The following IGSF10 variants were observed in gnomAD, a reference collection of about 807,000 sequenced individuals.
IGSF10 encodes calvaria mechanical force protein 608.
IGSF10 carries 126 observed loss-of-function variants against 128.2 expected under a neutral mutation model. That is an observed-to-expected ratio of 0.98 (90% CI 0.85 to 1.14). IGSF10 has a LOEUF of 1.14. IGSF10 is among the 50% of genes most tolerant of loss of function. IGSF10 has a pLI of 0.00. For missense variants in IGSF10, 3,295 were observed against 3,149.8 expected, an observed-to-expected ratio of 1.05 and a Z score of -1.10; for synonymous variants, 1,185 against 1,146.2, an observed-to-expected ratio of 1.03 and a Z score of -0.68.
the IGSF10 span, among the ~76,000 whole-genome samples, chr3:151,480,723 G>T: frequency 6.6e-6 from 1 of 151,984 alleles, no homozygotes; most frequent in Non-Finnish European, 1.5e-5. Context: ...TTGGCCCAGA[G>T]CCAAGCTCCT....
Position 151,446,510 on chromosome 3 carries a change from T to G in IGSF10, c.3471A>C (p.Lys1157Asn), listed in dbSNP as rs765293605. 6.2e-7 allele frequency: 1 copy of G among 1,614,198 alleles called. No individual in the cohort carries two copies. Among genetic ancestry groups the G allele is most frequent in the Non-Finnish European group, 8.5e-7 (1 of 1,180,016 alleles). ...ACACACGTGGGTAACTGGCGTTTAC[T>G]TTGTGAGTTTTTTCCATGGGTATGG... ...PTSIPMEKTH[K>N]VNASYPRVSS... The change falls in exon 6 of 8, where the codon AAA becomes AAC. Residue 1157 changes from lysine (K) to asparagine (N), a missense_variant. Coordinates refer to ENST00000282466, the MANE Select transcript of IGSF10 (RefSeq NM_178822.5).
the IGSF10 span, among the ~76,000 whole-genome samples, chr3:151,558,864 C>T: frequency 3.3e-5 from 5 of 152,186 alleles, no homozygotes; most frequent in African/African-American, 1.2e-4. Context: ...TTGGAGAATT[C>T]TAGTGGATAG....
chr3:151,496,028 C>T, the IGSF10 span, among the ~76,000 whole-genome samples: 1 of 152,102 alleles, frequency 6.6e-6, no homozygotes, highest in African/African-American at 2.4e-5. Context: ...ATGTTCTATA[C>T]AGTGCCATTA....
At chr3:151,614,371 C>G in the IGSF10 span, among the ~76,000 whole-genome samples, 1 of 152,168 alleles carries the variant, frequency 6.6e-6, no homozygotes, top group Non-Finnish European at 1.5e-5. Flanking sequence ...CACATGCACA[C>G]GTATGTTTAT....
At chr3:151,461,418 A>G, upstream of IGSF10, 1 of 984,790 alleles carries the variant, frequency 1.0e-6, no homozygotes, top group Non-Finnish European at 1.2e-6. Flanking sequence ...AGCGTTAATG[A>G]CCTGTGATAC....
Position 151,448,844 on chromosome 3 carries a change from A to T in IGSF10, c.1137T>A (p.Ala379=), listed in dbSNP as rs1721366164. The part of the protein sequence containing the change: ...GHIQPVWQIL[A]LYSDSPLILE... ...GTATCAGAGGAGAATCACTGTACAA[A>T]GCCAAAATTTGCCACACTGGCTGAA... The change falls in exon 6 of 8, where the codon GCT becomes GCA. Residue 379 remains alanine (A), a synonymous_variant. Transcript: ENST00000282466. The T allele has an allele frequency of 6.2e-7, 1 of 1,614,000 alleles. No homozygotes were observed. Among genetic ancestry groups the T allele is most frequent in the East Asian group, 2.2e-5 (1 of 44,880 alleles).
the IGSF10 span, among the ~76,000 whole-genome samples, chr3:151,568,964 C>T: frequency 6.6e-6 from 1 of 152,144 alleles, no homozygotes; most frequent in African/African-American, 2.4e-5. Context: ...TGCACAGCCC[C>T]CGAAAAGAAG....
chr3:151,441,858 A>C (rs148243882), intron 7 of IGSF10, among the ~76,000 whole-genome samples: 81 of 152,090 alleles, frequency 5.3e-4, no homozygotes, highest in Non-Finnish European at 3.1e-4. Flanking sequence ...TCAGGAGATC[A>C]AGACCATCCT....
At chr3:151,490,914 T>A in the IGSF10 span, among the ~76,000 whole-genome samples, 1 of 151,824 alleles carries the variant, frequency 6.6e-6, no homozygotes, top group Non-Finnish European at 1.5e-5. Context: ...AATACCTACA[T>A]TAAAAAATTC....
the IGSF10 span, among the ~76,000 whole-genome samples, chr3:151,495,575 ACT>A: frequency 7.8e-5 from 9 of 115,738 alleles, no homozygotes; most frequent in African/African-American, 3.3e-4. Context: ...TTTAATTTTC[ACT>A]GTTTTTTTTA....
Position 151,445,573 on chromosome 3 carries a change from C to T in IGSF10, c.4408G>A (p.Ala1470Thr). ...STIPPFLSSSATLMPVPISPP... is the reference protein window; with the variant it reads ...STIPPFLSSSTTLMPVPISPP... ...GAGATGGGAACTGGCATTAGAGTAGCACTGCTGCTCAAGAATGGTGGTATG... is the reference window on the plus strand; with the variant it reads ...GAGATGGGAACTGGCATTAGAGTAGTACTGCTGCTCAAGAATGGTGGTATG... Residue 1470 changes from alanine (A) to threonine (T), a missense_variant, in exon 6 of 8, where the codon GCT becomes ACT. Physicochemically the swap from Ala to Thr is moderately conservative, Grantham distance 58 (BLOSUM62 0). Transcript: ENST00000282466. 6.2e-7 allele frequency: 1 copy of T among 1,614,114 alleles called. No individual in the cohort carries two copies. The highest frequency in any genetic ancestry group is 1.7e-5 in the Admixed American group (1 of 60,014).
the IGSF10 span, among the ~76,000 whole-genome samples, chr3:151,581,073 T>C: frequency 9.5e-3 from 1,443 of 152,234 alleles, 26 homozygotes; most frequent in African/African-American, 0.033. Flanking sequence ...ACAGAAATGA[T>C]TTGTAAAAAA....
chr3:151,536,672 G>T, the IGSF10 span, among the ~76,000 whole-genome samples: 1 of 152,074 alleles, frequency 6.6e-6, no homozygotes, highest in Non-Finnish European at 1.5e-5. Flanking sequence ...AAAAAATGCC[G>T]AATCTAAAGT....
the IGSF10 span, among the ~76,000 whole-genome samples, chr3:151,491,402 C>A: frequency 1.4e-4 from 22 of 152,080 alleles, no homozygotes; most frequent in Admixed American, 1.3e-3. Context: ...CATGATGAGA[C>A]CCCGTCTCTA....
the IGSF10 span, among the ~76,000 whole-genome samples, chr3:151,497,883 G>A: frequency 2.6e-5 from 4 of 152,106 alleles, no homozygotes; most frequent in African/African-American, 4.8e-5. Context: ...TCCTTGAAGA[G>A]GTCCTCCATG....
In IGSF10 at chr3:151,448,182, A is replaced by T. The variant is rs781625369; in HGVS notation, c.1799T>A (p.Ile600Asn). 6.2e-7 allele frequency: 1 copy of T among 1,614,226 alleles called. No individual in the cohort carries two copies. The highest frequency in any genetic ancestry group is 8.5e-7 in the Non-Finnish European group (1 of 1,180,044). Residue 600 changes from isoleucine (I) to asparagine (N), a missense_variant, in exon 6 of 8, where the codon ATC becomes AAC. Physicochemically the swap from Ile to Asn is moderately radical, Grantham distance 149. Coordinates refer to ENST00000282466, the MANE Select transcript of IGSF10 (RefSeq NM_178822.5). ...AACCCAGCTAATAGAGGCATCTGGG[A>T]TACCAGTAGAATGGCATGGAAGATC... is the stretch of plus-strand genomic sequence containing the variant. ...TLDLPCHSTG[I>N]PDASISWVIP...
At chr3:151,572,312 T>C in the IGSF10 span, among the ~76,000 whole-genome samples, 1 of 152,252 alleles carries the variant, frequency 6.6e-6, no homozygotes, top group African/African-American at 2.4e-5. Flanking sequence ...CTCCTCTTTG[T>C]ACCTCTGGTA....
chr3:151,558,945 G>A, the IGSF10 span, among the ~76,000 whole-genome samples: 4 of 152,018 alleles, frequency 2.6e-5, no homozygotes, highest in African/African-American at 9.7e-5. Context: ...GAAATGTAAT[G>A]CTGAAGCCAA....
chr3:151,498,010 T>G, the IGSF10 span, among the ~76,000 whole-genome samples: 1 of 152,222 alleles, frequency 6.6e-6, no homozygotes, highest in Non-Finnish European at 1.5e-5. Context: ...TTGTGATTTT[T>G]GCACATTGAT....
Sources: allele counts gnomAD v4.1 joint callset (sites outside exome capture counted in the v4.1 genomes callset), GRCh38; gene constraint gnomAD v4.1.1; transcripts MANE v1.5; gene names NCBI Gene and HGNC (gene_info 2026-07-23, HGNC 2026-07-21).